Variants in COPS3 observed in about 807,000 individuals in gnomAD.
COPS3 encodes the protein COP9 signalosome subunit 3, also known as COP9 signalosome complex subunit 3.
A neutral mutation model predicts 58.2 loss-of-function variants in COPS3; 10 were observed. The observed-to-expected ratio is 0.17, with a 90% CI of 0.11 to 0.29. The LOEUF is 0.29. Ranked by LOEUF, COPS3 falls within the 10% of genes least tolerant of loss-of-function variation. The probability of loss-of-function intolerance (pLI) is 1.00; values close to 1 mark genes in which losing one functional copy is unlikely to be tolerated. For missense variants in COPS3, 333 were observed against 510.1 expected, an observed-to-expected ratio of 0.65 and a Z score of 3.34; for synonymous variants, 187 against 181.7, an observed-to-expected ratio of 1.03 and a Z score of -0.24.
chr17:17,263,726 C>A (rs1350956308), intron 6 of COPS3, among the ~76,000 whole-genome samples: 1 of 151,854 alleles, frequency 6.6e-6, no homozygotes, highest in Non-Finnish European at 1.5e-5. Flanking sequence ...GTTGGTCAGG[C>A]TGGTCTCGAA....
At chr17:17,252,232 A>T (rs1479908173) in intron 9 of COPS3, among the ~76,000 whole-genome samples, 1 of 152,142 alleles carries the variant, frequency 6.6e-6, no homozygotes, top group Non-Finnish European at 1.5e-5. Context: ...TACTTTTCCA[A>T]TGTTTACTTT....
rs757733197 is a variant in COPS3 at position 17,264,817 on chromosome 17, G to C, written c.606C>G (p.Leu202=). 77 of 1,605,368 alleles carry C rather than the reference G, an allele frequency of 4.8e-5. No homozygotes were observed. Among genetic ancestry groups the C allele is most frequent in the Non-Finnish European group, 6.2e-5 (73 of 1,177,736 alleles). ...YTGLKNFERA[L]YFYEQAITTP... ...GAGAGATTACCTGTTCATAAAAGTA[G>C]AGAGCTCTTTCAAAGTTCTTCAGCC... Residue 202 remains leucine, a synonymous_variant, in exon 6 of 12, where the codon CTC becomes CTG. Coordinates refer to ENST00000268717, the MANE Select transcript of COPS3 (RefSeq NM_003653.4).
intron 1 of COPS3, among the ~76,000 whole-genome samples, chr17:17,279,008 G>C (rs954775656): frequency 1.4e-4 from 21 of 151,700 alleles, no homozygotes; most frequent in African/African-American, 5.1e-4. Context: ...CCGAGTAGCT[G>C]AGATTACAGG....
At chr17:17,270,582 T>C (rs2048322773) in intron 4 of COPS3, among the ~76,000 whole-genome samples, 176 bp downstream of exon 4, 1 of 152,002 alleles carries the variant, frequency 6.6e-6, no homozygotes, top group Non-Finnish European at 1.5e-5. Context: ...TCCACCTCAT[T>C]CAGGGGATGC....
At chr17:17,271,483 T>A (rs1246422416) in intron 2 of COPS3, among the ~76,000 whole-genome samples, 1 of 151,434 alleles carries the variant, frequency 6.6e-6, no homozygotes, top group East Asian at 2.0e-4. Flanking sequence ...CCTGGTTATT[T>A]TGCACAATCA....
At chr17:17,261,073 A>C (rs1179808566) in intron 7 of COPS3, among the ~76,000 whole-genome samples, 3 of 152,216 alleles carry the variant, frequency 2.0e-5, no homozygotes, top group Admixed American at 2.0e-4. Flanking sequence ...AAACCCACTG[A>C]ATTTAGTGAA....
At chr17:17,257,796 C>CAA (rs1387883200) in intron 8 of COPS3, among the ~76,000 whole-genome samples, 1 of 60,176 alleles carries the variant, frequency 1.7e-5, no homozygotes, top group Admixed American at 1.8e-4. Context: ...GACTCCGTCT[C>CAA]AAAAAAAAAA....
rs906833042 is a variant in COPS3 at position 17,264,680 on chromosome 17, T to C, written c.621+122A>G. ...TACATGATCACAGAGAAGTAGTCTC[T>C]GAAAGGACCAACACCTGAAACGGAG... On this transcript the variant is annotated intron_variant, in intron 6 of 11. Coordinates refer to ENST00000268717, the MANE Select transcript of COPS3 (RefSeq NM_003653.4). 4.1e-6 allele frequency: 3 copies of C among 738,086 alleles called. No individual in the cohort carries two copies. In the Admixed American group the frequency reaches 8.8e-5, roughly 22 times the overall value. 45.7% of individuals were successfully genotyped at this position (738,086 alleles called of 1,614,324 possible).
chr17:17,271,627 C>G (rs1197703431), intron 2 of COPS3, among the ~76,000 whole-genome samples: 1 of 151,156 alleles, frequency 6.6e-6, no homozygotes, highest in Non-Finnish European at 1.5e-5. Context: ...CGAGACCAGC[C>G]TGATCAACAT....
At chr17:17,270,364 G>C (rs1383238678) in intron 4 of COPS3, among the ~76,000 whole-genome samples, 1 of 151,884 alleles carries the variant, frequency 6.6e-6, no homozygotes, top group African/African-American at 2.4e-5. Context: ...GTTAACATTT[G>C]GAAAATCTAG....
At chr17:17,268,034 C>A in intron 4 of COPS3, 57 bp from the exon 5 acceptor site, 1 of 1,585,438 alleles carries the variant, frequency 6.3e-7, no homozygotes. Context: ...CACATTGGAT[C>A]TTATGTTGTC....
chr17:17,263,299 AAAG>A lies in COPS3; in HGVS notation c.622-1196_622-1194del, dbSNP rs748342955. Among the ~76,000 whole-genome samples, 274 of 151,502 alleles carry A rather than the reference AAAG, an allele frequency of 1.8e-3. 1 individual carries two copies. The highest frequency in any genetic ancestry group is 3.4e-3 in the Non-Finnish European group (234 of 67,850). On this transcript the variant is annotated intron_variant, in intron 6 of 11. Coordinates refer to ENST00000268717, the MANE Select transcript of COPS3 (RefSeq NM_003653.4). ...CAAGACTCCATTTCAAAAAAAAAAAAAAGAGATTCTCCTGCCTCAGTCTCCTGA... is the reference window on the plus strand; with the variant it reads ...CAAGACTCCATTTCAAAAAAAAAAAAAGATTCTCCTGCCTCAGTCTCCTGA...
chr17:17,264,898 G>A lies in COPS3; in HGVS notation c.525C>T (p.Ala175=), dbSNP rs370087556. 16 of 1,613,846 alleles carry A rather than the reference G, an allele frequency of 9.9e-6. No homozygotes were observed. The African/African-American group carries it at 1.9e-4, about 19-fold the overall frequency. ...DMMDICKENG[A]YDAKHFLCYY... is the part of the protein sequence containing the mutation. ...AACATAAAAAGTGTTTTGCATCATA[G>A]GCTCCATTCTCTTTACAGATATCCA... The change falls in exon 6 of 12, where the codon GCC becomes GCT. Residue 175 remains alanine (A), a synonymous_variant. Coordinates refer to ENST00000268717, the MANE Select transcript of COPS3 (RefSeq NM_003653.4).
intron 8 of COPS3, among the ~76,000 whole-genome samples, chr17:17,257,806 A>AAAAAAAAAAAAG (rs1555617964): frequency 1.4e-5 from 2 of 147,906 alleles, no homozygotes; most frequent in Admixed American, 6.9e-5. Context: ...CAAAAAAAAA[A>AAAAAAAAAAAAG]AAAAAGAAAA....
At position 17,280,345 on chromosome 17, in the gene COPS3, G is replaced by A. The variant is rs551403463; in HGVS notation, c.55+787C>T. On this transcript the variant is annotated intron_variant, in intron 1 of 11. Coordinates refer to ENST00000268717, the MANE Select transcript of COPS3 (RefSeq NM_003653.4). ...TTGAACCTCGAAGGCGAAGGTTGAG[G>A]TGAGCCGAGACCGCGCCACTGCACT... Among the ~76,000 whole-genome samples, 8 of 152,040 alleles carry A rather than the reference G, an allele frequency of 5.3e-5. No homozygotes were observed. In the South Asian group the frequency reaches 1.7e-3, roughly 32 times the overall value.
intron 10 of COPS3, chr17:17,247,828 G>A (rs374397720): frequency 1.2e-5 from 4 of 333,540 alleles, no homozygotes; most frequent in Middle Eastern, 8.1e-4. Flanking sequence ...GTATATTCAT[G>A]CTGAGATAAA....
At chr17:17,268,029 T>G in intron 4 of COPS3, 52 bp from the exon 5 acceptor site, 1 of 1,598,808 alleles carries the variant, frequency 6.3e-7, no homozygotes, top group East Asian at 2.2e-5. Flanking sequence ...GGCAGCACAT[T>G]GGATCTTATG....
At chr17:17,261,935 G>A (rs372718839) in intron 7 of COPS3, 31 bp downstream of exon 7, 36 of 1,550,588 alleles carry the variant, frequency 2.3e-5, no homozygotes, top group Non-Finnish European at 3.0e-5. Context: ...ACATGCTCAC[G>A]TAAGAAATCA....
At chr17:17,268,054 T>TA in intron 4 of COPS3, 77 bp from the exon 5 acceptor site, 1 of 1,537,268 alleles carries the variant, frequency 6.5e-7, no homozygotes, top group Non-Finnish European at 8.8e-7. Flanking sequence ...CACTTATAAA[T>TA]AAAAAATAAC....
Sources: gnomAD v4.1 joint callset for allele counts (sites outside exome capture counted in the v4.1 genomes callset) on GRCh38, gnomAD v4.1.1 for gene constraint, MANE v1.5 for transcripts, NCBI Gene and HGNC (gene_info 2026-07-23, HGNC 2026-07-21) for gene names.